PTPN14: variants seen among roughly 807,000 people sequenced by gnomAD.
PTPN14 encodes tyrosine-protein phosphatase non-receptor type 14.
Under a neutral mutation model 126.8 loss-of-function variants are expected in PTPN14, and 53 were observed. That is an observed-to-expected ratio of 0.42 (90% CI 0.34 to 0.53). PTPN14 has a LOEUF of 0.53. Among genes scored for constraint, PTPN14 ranks in the 20% least tolerant of loss-of-function variants. The probability of loss-of-function intolerance (pLI) is 0.08; values close to 1 mark genes in which losing one functional copy is unlikely to be tolerated. For synonymous variants in PTPN14, 630 were observed against 599.3 expected (o/e 1.05, Z -0.75); for missense variants, 1,257 against 1,552.9 (o/e 0.81, Z 3.20).
chr1:214,444,014 A>G (rs1228438890), intron 3 of PTPN14, among the ~76,000 whole-genome samples: 6 of 152,180 alleles, frequency 3.9e-5, no homozygotes, highest in Admixed American at 1.3e-4. Flanking sequence ...GGGAGTTGAG[A>G]CCTATTTGTT....
rs1657848608 is a variant in PTPN14 at position 214,357,399 on chromosome 1, T to C, written c.*523A>G. 1 of 152,156 alleles carries C rather than the reference T, an allele frequency of 6.6e-6. No individual in the cohort carries two copies. The highest frequency in any genetic ancestry group is 2.4e-5 in the African/African-American group (1 of 41,426). The allele number at this position is 152,156 out of a possible 1,614,324, so 9.4% of individuals were successfully genotyped here. On this transcript the variant is annotated 3_prime_UTR_variant, in exon 19 of 19. Coordinates refer to ENST00000366956, the MANE Select transcript of PTPN14 (RefSeq NM_005401.5). ...ATCAAGGCTCATGAGCCCCAAAATA[T>C]AAGAGAATCGTGTTTGTTCCTTCAG...
chr1:214,465,158 G>A (rs1340352001), intron 1 of PTPN14, among the ~76,000 whole-genome samples: 3 of 152,150 alleles, frequency 2.0e-5, no homozygotes, highest in African/African-American at 7.2e-5. Flanking sequence ...AGGGTGATAC[G>A]ATAAAAGCTA....
At chr1:214,536,546 A>G (rs1655713415) in intron 1 of PTPN14, among the ~76,000 whole-genome samples, 1 of 152,114 alleles carries the variant, frequency 6.6e-6, no homozygotes, top group Non-Finnish European at 1.5e-5. Flanking sequence ...GCACTTTGGG[A>G]AGCTGAGGCG....
intron 3 of PTPN14, among the ~76,000 whole-genome samples, chr1:214,428,717 C>T (rs1659733084): frequency 5.3e-5 from 8 of 152,150 alleles, no homozygotes; most frequent in Admixed American, 4.6e-4. Flanking sequence ...TGGTAGGAAT[C>T]AGGAAATGAA....
chr1:214,355,638 AG>A lies in PTPN14; in HGVS notation c.*2283del, dbSNP rs1267471379. On this transcript the variant is annotated 3_prime_UTR_variant, in exon 19 of 19. Transcript: ENST00000366956. ...CTTCAGACCTTGAAGTAGAAGACAC[AG>A]GGGAAGCCCTCCATCCCCAGATATT... 2 of 152,200 alleles carry A rather than the reference AG, an allele frequency of 1.3e-5. No individual in the cohort carries two copies. The highest frequency in any genetic ancestry group is 2.9e-5 in the Non-Finnish European group (2 of 68,042). 9.4% of individuals were successfully genotyped at this position (152,200 alleles called of 1,614,324 possible).
chr1:214,424,463 C>T (rs1221644100), intron 3 of PTPN14, among the ~76,000 whole-genome samples: 1 of 151,920 alleles, frequency 6.6e-6, no homozygotes, highest in Non-Finnish European at 1.5e-5. Context: ...GGAGATCCTG[C>T]TGGATGACTT....
chr1:214,509,240 C>G (rs1197190697), intron 1 of PTPN14, among the ~76,000 whole-genome samples: 1 of 152,182 alleles, frequency 6.6e-6, no homozygotes, highest in Non-Finnish European at 1.5e-5. Flanking sequence ...TTTAGTGTAG[C>G]CACCTTCATC....
intron 1 of PTPN14, among the ~76,000 whole-genome samples, chr1:214,486,344 A>G (rs1454089352): frequency 1.3e-5 from 2 of 152,160 alleles, no homozygotes; most frequent in Non-Finnish European, 2.9e-5. Context: ...CCTGAGATAC[A>G]CTAGCTAGTG....
intron 1 of PTPN14, among the ~76,000 whole-genome samples, chr1:214,545,084 A>C (rs1655937167): frequency 6.6e-6 from 1 of 152,212 alleles, no homozygotes; most frequent in Non-Finnish European, 1.5e-5. Flanking sequence ...AAAGAGCAGC[A>C]GATGGGTATG....
chr1:214,410,347 T>C (rs1571982559), intron 5 of PTPN14, among the ~76,000 whole-genome samples: 1 of 150,318 alleles, frequency 6.7e-6, no homozygotes, highest in Non-Finnish European at 1.5e-5. Flanking sequence ...CAGGCTGGAG[T>C]GCAGTGGCAC....
chr1:214,486,299 C>T (rs1251339893), intron 1 of PTPN14, among the ~76,000 whole-genome samples: 3 of 152,196 alleles, frequency 2.0e-5, no homozygotes, highest in Admixed American at 2.0e-4. Context: ...GTCTACAGAA[C>T]AGTAAATCAA....
chr1:214,436,996 C>T (rs1430600590), intron 3 of PTPN14, among the ~76,000 whole-genome samples: 1 of 121,198 alleles, frequency 8.3e-6, no homozygotes, highest in Admixed American at 9.2e-5. Flanking sequence ...CTATCTAGAA[C>T]CAAGCCTCTC....
intron 11 of PTPN14, among the ~76,000 whole-genome samples, chr1:214,390,196 A>G (rs986283691): frequency 2.0e-5 from 3 of 152,262 alleles, no homozygotes; most frequent in Admixed American, 6.5e-5. Context: ...TGTGTAAAAA[A>G]ATCATGACCT....
chr1:214,353,134 C>T lies in PTPN14; in HGVS notation c.*4788G>A, dbSNP rs929877287. ...AAGGGATTGACAGATCTTCCCCAAA[C>T]GAAAATCAGTAACGAAATAGTTGTC... is the stretch of plus-strand genomic sequence containing the variant. On this transcript the variant is annotated 3_prime_UTR_variant, in exon 19 of 19. Transcript: ENST00000366956. 14 of 152,122 alleles carry T rather than the reference C, an allele frequency of 9.2e-5. No homozygotes were observed. The highest frequency in any genetic ancestry group is 1.3e-4 in the Admixed American group (2 of 15,262). 9.4% of individuals were successfully genotyped at this position (152,122 alleles called of 1,614,324 possible).
intron 1 of PTPN14, among the ~76,000 whole-genome samples, chr1:214,533,785 C>T (rs1315671743): frequency 6.8e-6 from 1 of 147,486 alleles, no homozygotes; most frequent in Non-Finnish European, 1.5e-5. Context: ...TGCAGTGAGC[C>T]GAGATTGTCC....
At chr1:214,473,468 A>G (rs186273598) in intron 1 of PTPN14, among the ~76,000 whole-genome samples, 4 of 152,346 alleles carry the variant, frequency 2.6e-5, no homozygotes, top group African/African-American at 9.6e-5. Flanking sequence ...TTTCTTAAAG[A>G]TAAGTTCTGA....
chr1:214,378,983 G>C (rs1421212633), intron 13 of PTPN14, among the ~76,000 whole-genome samples: 2 of 152,084 alleles, frequency 1.3e-5, no homozygotes, highest in African/African-American at 4.8e-5. Flanking sequence ...AATTGGATTG[G>C]GCAGGGCTGG....
intron 1 of PTPN14, among the ~76,000 whole-genome samples, chr1:214,475,980 A>C (rs138446073): frequency 6.6e-6 from 1 of 152,198 alleles, no homozygotes; most frequent in Admixed American, 6.5e-5. Flanking sequence ...GCAAGCACCC[A>C]CATTCTACAA....
rs5780788 is a variant in PTPN14 at position 214,486,921 on chromosome 1, C to CT, written c.-154-21965_-154-21964insA. Reference sequence around the variant, plus strand: ...TCCGTAAATCTGGAAAAGTTGACCCCGTCACCCAGATGCATCAACCTTCAG... The same window carrying CT: ...TCCGTAAATCTGGAAAAGTTGACCCCTGTCACCCAGATGCATCAACCTTCAG... On this transcript the variant is annotated intron_variant, in intron 1 of 18. Transcript: ENST00000366956. Among the ~76,000 whole-genome samples the CT allele has an allele frequency of 1.8e-4, 27 of 151,974 alleles. 1 individual carries two copies. Among genetic ancestry groups the CT allele is most frequent in the Non-Finnish European group, 3.1e-4 (21 of 68,000 alleles).
Sources: gnomAD v4.1 joint callset for allele counts (sites outside exome capture counted in the v4.1 genomes callset) on GRCh38, gnomAD v4.1.1 for gene constraint, MANE v1.5 for transcripts, NCBI Gene and HGNC (gene_info 2026-07-23, HGNC 2026-07-21) for gene names.